NEB: variants seen among roughly 807,000 people sequenced by gnomAD.
NEB encodes nemaline myopathy type 2.
In NEB, 512 loss-of-function variants were observed where a neutral mutation model predicts 952.2. The ratio of observed to expected loss-of-function variants is 0.54; its 90% CI spans 0.50 to 0.58. The LOEUF is 0.58. NEB is among the 20% of genes least tolerant of loss of function. The pLI, the probability that NEB is intolerant of heterozygous loss-of-function variation, is 0.00. For missense variants in NEB, 8,428 were observed against 9,231.1 expected, an observed-to-expected ratio of 0.91 and a Z score of 3.56; for synonymous variants, 2,900 against 3,149.8, an observed-to-expected ratio of 0.92 and a Z score of 2.66.
At chr2:151,626,456 C>T (rs996970795) in intron 70 of NEB, among the ~76,000 whole-genome samples, 1 of 151,840 alleles carries the variant, frequency 6.6e-6, no homozygotes, top group Non-Finnish European at 1.5e-5. Flanking sequence ...TAAATAAGTA[C>T]TCAGCAAGAA....
chr2:151,529,117 G>T lies in NEB; in HGVS notation c.21735+93C>A, dbSNP rs924237026. 4 of 821,920 alleles carry T rather than the reference G, an allele frequency of 4.9e-6. No homozygotes were observed. The East Asian group carries it at 9.8e-5, about 20-fold the overall frequency. The allele number at this position is 821,920 out of a possible 1,614,324, so 50.9% of individuals were successfully genotyped here. ...TCTTGCTTTGGAATCAATCACTAGAGCTGAATTGCCTGAAGAGATGTAAAA... is the reference window on the plus strand; with the variant it reads ...TCTTGCTTTGGAATCAATCACTAGATCTGAATTGCCTGAAGAGATGTAAAA... On this transcript the variant is annotated intron_variant, in intron 146 of 181. Transcript: ENST00000397345.
chr2:151,521,424 G>T (rs2081941861), intron 153 of NEB, among the ~76,000 whole-genome samples: 1 of 152,324 alleles, frequency 6.6e-6, no homozygotes, highest in Admixed American at 6.5e-5. Context: ...GAAGTGGAAG[G>T]CCTGCTAAGG....
At chr2:151,510,421 A>G (rs2073240281) in intron 161 of NEB, among the ~76,000 whole-genome samples, 2 of 152,224 alleles carry the variant, frequency 1.3e-5, no homozygotes, top group Admixed American at 6.5e-5. Context: ...TTAACCATTC[A>G]TTTAGTACTC....
At chr2:151,724,205 A>G (rs2099783837) in intron 8 of NEB, 55 bp downstream of exon 8, 1 of 1,321,598 alleles carries the variant, frequency 7.6e-7, no homozygotes, top group Non-Finnish European at 1.1e-6. Flanking sequence ...TATTACATGA[A>G]ATATATGATG....
In NEB at chr2:151,664,777, G is replaced by A. The variant is rs199809548; in HGVS notation, c.5325C>T (p.Asn1775=). ...DTPDILLSRV[N]QITMSDKLYK... ...TACTTACATCACTCATGGTGATTTG[G>A]TTTACTCTGGAGAGTAAAATATCCG... is the stretch of plus-strand genomic sequence containing the variant. Residue 1775 remains asparagine (N), a synonymous_variant, in exon 43 of 182, where the codon AAC becomes AAT. Transcript: ENST00000397345. The A allele has an allele frequency of 3.7e-6, 6 of 1,610,142 alleles. No individual in the cohort carries two copies. In the African/African-American group the frequency reaches 8.0e-5, roughly 21 times the overall value.
intron 181 of NEB, among the ~76,000 whole-genome samples, chr2:151,489,560 C>G (rs1198586268): frequency 6.6e-6 from 1 of 152,088 alleles, no homozygotes; most frequent in East Asian, 1.9e-4. Flanking sequence ...CCACACCTGG[C>G]TAATTTTTTG....
At chr2:151,563,471 G>T in intron 119 of NEB, 135 bp downstream of exon 119, 1 of 751,050 alleles carries the variant, frequency 1.3e-6, no homozygotes, top group Non-Finnish European at 2.3e-6. Context: ...TTGGAGGGGT[G>T]AGGAAAATCT....
chr2:151,720,037 A>G (rs189789895), intron 9 of NEB, among the ~76,000 whole-genome samples: 95 of 152,302 alleles, frequency 6.2e-4, no homozygotes, highest in African/African-American at 2.2e-3. Context: ...GAAGTTTCAG[A>G]CAAATCAGAT....
chr2:151,518,392 T>C lies in NEB; in HGVS notation c.22726A>G (p.Lys7576Glu). 2 of 1,611,338 alleles carry C rather than the reference T, an allele frequency of 1.2e-6. No individual in the cohort carries two copies. The highest frequency in any genetic ancestry group is 1.7e-6 in the Non-Finnish European group (2 of 1,177,600). ...TCGGGTATGGTGTGGTAGTGGCCTT[T>C]ACTCTTCTCATACTTCTTCTTGTAC... ...YQYKKKYEKS[K>E]GHYHTIPDNL... is the part of the protein sequence containing the mutation. Residue 7576 changes from lysine (K) to glutamate (E), a missense_variant, in exon 156 of 182, where the codon AAA becomes GAA. Physicochemically the swap from Lys to Glu is moderately conservative, Grantham distance 56 (BLOSUM62 1). Coordinates refer to ENST00000397345, the MANE Select transcript of NEB (RefSeq NM_001164508.2).
chr2:151,611,348 A>G (rs1170631608), intron 78 of NEB, among the ~76,000 whole-genome samples: 1 of 152,202 alleles, frequency 6.6e-6, no homozygotes, highest in Admixed American at 6.5e-5. Context: ...GATCCATAAC[A>G]TATATAAAAT....
chr2:151,615,546 C>T (rs1162826311), intron 76 of NEB, among the ~76,000 whole-genome samples: 10 of 152,196 alleles, frequency 6.6e-5, no homozygotes, highest in Non-Finnish European at 1.2e-4. Context: ...ATCTCTAAGA[C>T]ATATCCATCT....
Position 151,561,082 on chromosome 2 carries a change from C to A in NEB, c.19128G>T (p.Gln6376His). The change falls in exon 123 of 182, where the codon CAG becomes CAT. Residue 6376 changes from glutamine (Q) to histidine (H), a missense_variant. Around this residue, in one of 11 missense-constraint regions of NEB, gnomAD observed 3,374 missense variants for 3,651.5 expected, o/e 0.92. Transcript: ENST00000397345. ...SEVKYKENYH[Q>H]IKDKYTTVLE... ...GAACTGTTGTGTATTTGTCCTTAAT[C>A]TGATGATAATTTTCTTTATATTTTA... 1 of 1,598,378 alleles carries A rather than the reference C, an allele frequency of 6.3e-7. No homozygotes were observed. Among genetic ancestry groups the A allele is most frequent in the Non-Finnish European group, 8.5e-7 (1 of 1,171,056 alleles).
chr2:151,734,104 T>A (rs928378991), intron 1 of NEB, among the ~76,000 whole-genome samples: 1 of 152,250 alleles, frequency 6.6e-6, no homozygotes, highest in African/African-American at 2.4e-5. Flanking sequence ...GCAGCGTATC[T>A]TCTTTTTCAC....
chr2:151,687,328 T>A (rs964713841), intron 27 of NEB, 91 bp downstream of exon 27: 6 of 1,079,328 alleles, frequency 5.6e-6, no homozygotes, highest in African/African-American at 1.6e-5. Context: ...AAAGAGCCCA[T>A]GCTCATGAAA....
chr2:151,490,323 A>G (rs766087028), intron 180 of NEB, 49 bp downstream of exon 180: 1 of 1,562,744 alleles, frequency 6.4e-7, no homozygotes, highest in Non-Finnish European at 8.7e-7. Context: ...AGTAACCATC[A>G]ATGAGCTGGC....
At position 151,644,716 on chromosome 2, in the gene NEB, C is replaced by T. The variant is rs980761398; in HGVS notation, c.7537-141G>A. 17 of 717,896 alleles carry T rather than the reference C, an allele frequency of 2.4e-5. No homozygotes were observed. The South Asian group carries it at 2.5e-4, about 11-fold the overall frequency. 44.5% of individuals were successfully genotyped at this position (717,896 alleles called of 1,614,324 possible). A position where few individuals can be genotyped will look rare whatever the true frequency, so the allele number is the denominator to read the frequency against. ...TACTCAAATGTAATTAGAAATTATG[C>T]CCATTGATTGCTAATGATCCTGTTT... is the stretch of plus-strand genomic sequence containing the variant. On this transcript the variant is annotated intron_variant, in intron 55 of 181. Transcript: ENST00000397345.
Position 151,490,498 on chromosome 2 carries a change from G to A in NEB, c.25171C>T (p.Arg8391Trp), listed in dbSNP as rs561904743. The change falls in exon 180 of 182, where the codon CGG becomes TGG. Residue 8391 changes from arginine (R) to tryptophan (W), a missense_variant. Arg to Trp is a moderately radical substitution (Grantham distance 101). Around this residue, in one of 11 missense-constraint regions of NEB, gnomAD observed 3,374 missense variants for 3,651.5 expected, o/e 0.92. Coordinates refer to ENST00000397345, the MANE Select transcript of NEB (RefSeq NM_001164508.2). ...GCACTGGCAGATCGTGACTGCTCCC[G>A]GCTCCGGCGCTGAGCTTGGACTGGG... ...MINVQAQRRS[R>W]EQSRSASALS... The A allele has an allele frequency of 4.4e-5, 71 of 1,609,264 alleles. 1 individual carries two copies. The South Asian group carries it at 5.9e-4, about 13-fold the overall frequency.
At chr2:151,554,048 C>T (rs1310778918) in intron 125 of NEB, 23 bp from the exon 126 acceptor site, 2 of 1,609,118 alleles carry the variant, frequency 1.2e-6, no homozygotes, top group African/African-American at 1.3e-5. Flanking sequence ...AATCACATGC[C>T]AGTTATACAG....
At chr2:151,526,126 G>A in intron 149 of NEB, 32 bp downstream of exon 149, 2 of 1,610,590 alleles carry the variant, frequency 1.2e-6, no homozygotes, top group Non-Finnish European at 1.7e-6. Context: ...CTCCCAAGAG[G>A]GAAGCAGAAC....
Sources: allele counts gnomAD v4.1 joint callset (sites outside exome capture counted in the v4.1 genomes callset), GRCh38; gene constraint gnomAD v4.1.1; regional missense constraint gnomAD v4.1.1; transcripts MANE v1.5; gene names NCBI Gene and HGNC (gene_info 2026-07-23, HGNC 2026-07-21).